Variants in ANKRD26 observed in about 807,000 individuals in gnomAD.
ANKRD26 encodes ankyrin repeat domain-containing protein 26.
A neutral mutation model predicts 208.7 loss-of-function variants in ANKRD26; 141 were observed. The observed-to-expected ratio is 0.68, with a 90% CI of 0.59 to 0.78. The LOEUF is 0.78. Ranked by LOEUF, ANKRD26 falls within the 30% of genes least tolerant of loss-of-function variation. ANKRD26 has a pLI of 0.00. For synonymous variants in ANKRD26, 636 were observed against 660.4 expected, an observed-to-expected ratio of 0.96 and a Z score of 0.57; for missense variants, 1,889 against 1,938.7, an observed-to-expected ratio of 0.97 and a Z score of 0.48.
At chr10:26,960,942 G>A in the ANKRD26 span, among the ~76,000 whole-genome samples, 1 of 152,070 alleles carries the variant, frequency 6.6e-6, no homozygotes, top group Admixed American at 6.6e-5. Context: ...TTTCTGGCTG[G>A]GCACAGTGGC....
chr10:27,080,820 C>T, intron 6 of ANKRD26: 1 of 985,474 alleles, frequency 1.0e-6, no homozygotes, highest in Non-Finnish European at 1.2e-6. Flanking sequence ...GCAGCACAGG[C>T]ATGTTAACAA....
At chr10:26,977,428 T>C (rs7906570) in intron 5 of ANKRD26, among the ~76,000 whole-genome samples, 11,458 of 152,278 alleles carry the variant, frequency 0.075, 1,389 homozygotes, top group African/African-American at 0.26. Context: ...CCTTTTTATA[T>C]CGGCTTCTCA....
chr10:27,046,445 T>C lies in ANKRD26; in HGVS notation c.1893A>G (p.Ser631=), dbSNP rs1360549466. The stretch of plus-strand genomic sequence containing the variant: ...GTAAACTGGCCTTCCCAAACACTGG[T>C]GAATTCACAGATTCTTTCGAGGTCC... ...EKRTSKESVN[S]PVFGKASLLT... is the part of the protein sequence containing the mutation. Residue 631 remains serine, a synonymous_variant, in exon 18 of 34, where the codon TCA becomes TCG. Transcript: ENST00000376087. 2.5e-6 allele frequency: 4 copies of C among 1,614,016 alleles called. No individual in the cohort carries two copies. Among genetic ancestry groups the C allele is most frequent in the Non-Finnish European group, 3.4e-6 (4 of 1,180,012 alleles).
chr10:26,970,987 C>T (rs1482104446), downstream of ANKRD26, among the ~76,000 whole-genome samples: 1 of 152,078 alleles, frequency 6.6e-6, no homozygotes, highest in Non-Finnish European at 1.5e-5. Context: ...TTAGGTCTAC[C>T]CAGGATAGAT....
chr10:27,064,076 G>A lies in ANKRD26; in HGVS notation c.1275C>T (p.Ile425=). 3 of 1,606,272 alleles carry A rather than the reference G, an allele frequency of 1.9e-6. No individual in the cohort carries two copies. Among genetic ancestry groups the A allele is most frequent in the South Asian group, 2.2e-5 (2 of 90,758 alleles). The change falls in exon 12 of 34, where the codon ATC becomes ATT. Residue 425 remains isoleucine, a synonymous_variant. Coordinates refer to ENST00000376087, the MANE Select transcript of ANKRD26 (RefSeq NM_014915.3). ...CATACTTCTGTGGAAAATTCTCAGAGATACTCTGTTAAAATTAGTATCAAT... is the reference window on the plus strand; with the variant it reads ...CATACTTCTGTGGAAAATTCTCAGAAATACTCTGTTAAAATTAGTATCAAT... ...DIESPWDSES[I]SENFPQKYVD... is the part of the protein sequence containing the mutation.
chr10:27,013,247 G>A, intron 31 of ANKRD26, 137 bp from the exon 32 acceptor site: 1 of 754,150 alleles, frequency 1.3e-6, no homozygotes, highest in Non-Finnish European at 2.3e-6. Context: ...ACTGAAAAAT[G>A]TGTCAGACCA....
chr10:27,030,279 C>A (rs529507509), intron 25 of ANKRD26: 113 of 726,236 alleles, frequency 1.6e-4, no homozygotes, highest in Non-Finnish European at 1.7e-4. Flanking sequence ...TTTGCCAATT[C>A]CACTAAGCCG....
chr10:27,033,132 A>G, intron 25 of ANKRD26, 93 bp downstream of exon 25: 1 of 909,814 alleles, frequency 1.1e-6, no homozygotes, highest in Non-Finnish European at 1.5e-6. Context: ...ATGAAAACAC[A>G]AAAGAAGGCT....
intron 9 of ANKRD26, among the ~76,000 whole-genome samples, chr10:27,071,028 T>C (rs1019049440): frequency 1.3e-5 from 2 of 152,146 alleles, no homozygotes; most frequent in African/African-American, 2.4e-5. Context: ...AATAGGTAGT[T>C]TATTTTAGAA....
Position 27,005,261 on chromosome 10 carries a change from C to T in ANKRD26, c.*329G>A, listed in dbSNP as rs2052830648. 1 of 1,032,242 alleles carries T rather than the reference C, an allele frequency of 9.7e-7. No individual in the cohort carries two copies. Among genetic ancestry groups the T allele is most frequent in the Non-Finnish European group, 1.2e-6 (1 of 858,662 alleles). 63.9% of individuals were successfully genotyped at this position (1,032,242 alleles called of 1,614,324 possible). Reference sequence around the variant, plus strand: ...ATGTCTAAGTCCAATTAGACATCTACCACTACATATAGTGATAAAAATTAC... The same window carrying T: ...ATGTCTAAGTCCAATTAGACATCTATCACTACATATAGTGATAAAAATTAC... On this transcript the variant is annotated 3_prime_UTR_variant, in exon 34 of 34. Transcript: ENST00000376087.
downstream of ANKRD26, among the ~76,000 whole-genome samples, chr10:26,971,940 A>G (rs1053042788): frequency 1.3e-5 from 2 of 151,912 alleles, no homozygotes; most frequent in Non-Finnish European, 2.9e-5. Context: ...CCTATTAGAA[A>G]ATTATAGTCC....
intron 10 of ANKRD26, 109 bp from the exon 11 acceptor site, chr10:27,066,657 T>G: frequency 1.4e-6 from 1 of 697,514 alleles, no homozygotes; most frequent in South Asian, 2.7e-5. Flanking sequence ...AATATTTCAA[T>G]AAAATAAAAA....
chr10:27,048,717 T>C (rs2054546391), intron 17 of ANKRD26, 84 bp downstream of exon 17: 1 of 1,422,068 alleles, frequency 7.0e-7, no homozygotes, highest in Non-Finnish European at 9.8e-7. Flanking sequence ...AAGTATAAAA[T>C]TTATTAATCA....
At chr10:27,010,868 A>G (rs2053077741) in intron 32 of ANKRD26, among the ~76,000 whole-genome samples, 1 of 152,162 alleles carries the variant, frequency 6.6e-6, no homozygotes, top group Admixed American at 6.5e-5. Context: ...CATGACTCTG[A>G]AGCATTTAGA....
chr10:27,017,578 T>C lies in ANKRD26; in HGVS notation c.4430A>G (p.Gln1477Arg), dbSNP rs2053339736. 6.2e-7 allele frequency: 1 copy of C among 1,613,738 alleles called. No homozygotes were observed. The change falls in exon 30 of 34, where the codon CAG becomes CGG. Residue 1477 changes from glutamine to arginine, a missense_variant. Gln to Arg is a conservative substitution (Grantham distance 43). This residue lies in a region of ANKRD26 where 613 missense variants were observed against 648.2 expected (regional missense o/e 0.95). Transcript: ENST00000376087. ...TCTTTCTTCAATCTCCTGTTTATAC[T>C]GTTTGACTTGACCAAGTTCTACCAT... Reference protein sequence around the residue: ...RNMVELGQVKQYKQEIEERAR... With the variant: ...RNMVELGQVKRYKQEIEERAR...
intron 5 of ANKRD26, among the ~76,000 whole-genome samples, chr10:26,977,353 C>A (rs1345230720): frequency 6.6e-6 from 1 of 152,188 alleles, no homozygotes; most frequent in African/African-American, 2.4e-5. Context: ...TTGGAGCCAA[C>A]TGGTGGATTA....
At chr10:26,962,365 A>G in the ANKRD26 span, among the ~76,000 whole-genome samples, 1 of 152,174 alleles carries the variant, frequency 6.6e-6, no homozygotes, top group Admixed American at 6.5e-5. Flanking sequence ...ACCTGAGGTC[A>G]GGAGTTCAAG....
the ANKRD26 span, among the ~76,000 whole-genome samples, chr10:26,955,343 G>C: frequency 3.9e-4 from 59 of 151,910 alleles, no homozygotes; most frequent in African/African-American, 1.4e-3. Flanking sequence ...CAGGATAATG[G>C]CTTGAACCTA....
chr10:27,025,417 G>A (rs1457732119), intron 27 of ANKRD26, among the ~76,000 whole-genome samples: 2 of 152,034 alleles, frequency 1.3e-5, no homozygotes, highest in Non-Finnish European at 2.9e-5. Context: ...CGATTCTCCT[G>A]CCTCAGCCTC....
Sources: allele counts gnomAD v4.1 joint callset (sites outside exome capture counted in the v4.1 genomes callset), GRCh38; gene constraint gnomAD v4.1.1; regional missense constraint gnomAD v4.1.1; transcripts MANE v1.5; gene names NCBI Gene and HGNC (gene_info 2026-07-23, HGNC 2026-07-21).